RMP64: variants seen among roughly 807,000 people sequenced by gnomAD.
The protein encoded by RMP64 is nucleolus and neural progenitor protein.
chr3:113,018,463 G>A, the RMP64 span, among the ~76,000 whole-genome samples: 1 of 152,338 alleles, frequency 6.6e-6, no homozygotes, highest in Middle Eastern at 3.4e-3. Flanking sequence ...TCTGTAAAGT[G>A]TGTAGGATGG....
chr3:113,015,341 G>C, the RMP64 span, among the ~76,000 whole-genome samples: 3 of 152,314 alleles, frequency 2.0e-5, no homozygotes, highest in South Asian at 2.1e-4. Context: ...CATTATAGCT[G>C]GGAGAGAAAG....
the RMP64 span, among the ~76,000 whole-genome samples, chr3:113,011,802 T>C: frequency 3.3e-5 from 5 of 152,184 alleles, no homozygotes; most frequent in East Asian, 1.9e-4. Flanking sequence ...ATTAAAGCTA[T>C]TTTCATTACA....
chr3:113,016,523 C>T, the RMP64 span, among the ~76,000 whole-genome samples: 1 of 152,068 alleles, frequency 6.6e-6, no homozygotes, highest in African/African-American at 2.4e-5. Context: ...AATATATTCA[C>T]TTTGAGGGTT....
At chr3:113,004,654 A>AAAT in the RMP64 span, 1 of 152,212 alleles carries the variant, frequency 6.6e-6, no homozygotes, top group African/African-American at 2.4e-5. Flanking sequence ...CATTATTTGA[A>AAAT]AATACTCAAG....
the RMP64 span, among the ~76,000 whole-genome samples, chr3:113,011,867 T>C: frequency 6.6e-6 from 1 of 152,150 alleles, no homozygotes; most frequent in Non-Finnish European, 1.5e-5. Flanking sequence ...TAATCAAACA[T>C]TGTTACCTCT....
the RMP64 span, chr3:113,010,988 T>C: frequency 1.4e-6 from 2 of 1,464,004 alleles, no homozygotes; most frequent in African/African-American, 1.4e-5. Context: ...TTTCAAAAGG[T>C]TTCTTTTTAT....
the RMP64 span, chr3:113,005,997 T>C: frequency 1.2e-6 from 2 of 1,605,336 alleles, no homozygotes; most frequent in South Asian, 1.1e-5. Flanking sequence ...TCTAGTTTCT[T>C]TGGCAAACTT....
the RMP64 span, chr3:113,017,396 G>C: frequency 6.8e-7 from 1 of 1,470,460 alleles, no homozygotes; most frequent in African/African-American, 1.4e-5. Context: ...GTGGCAGTGT[G>C]ATCTACATTT....
At chr3:113,017,678 A>G in the RMP64 span, 12 of 1,317,828 alleles carry the variant, frequency 9.1e-6, no homozygotes, top group Non-Finnish European at 1.3e-5. Context: ...ACACTAAAAA[A>G]AGCATCTTTC....
chr3:113,011,333 C>T, the RMP64 span: 8 of 1,612,852 alleles, frequency 5.0e-6, no homozygotes, highest in African/African-American at 2.7e-5. Flanking sequence ...TGAATCCTAG[C>T]GACCTCTTGA....
chr3:113,014,044 A>C, the RMP64 span: 1 of 1,579,516 alleles, frequency 6.3e-7, no homozygotes, highest in Middle Eastern at 1.7e-4. Flanking sequence ...TGAAAGAAGA[A>C]GAGCAGTTCA....
chr3:113,011,259 T>C, the RMP64 span: 1 of 1,613,502 alleles, frequency 6.2e-7, no homozygotes, highest in Non-Finnish European at 8.5e-7. Context: ...CTTCAAAATA[T>C]GGCTGTCCTA....
the RMP64 span, chr3:113,017,442 C>T: frequency 3.7e-6 from 6 of 1,612,984 alleles, no homozygotes; most frequent in Admixed American, 1.0e-4. Flanking sequence ...TACCGGGCTT[C>T]CTCACCTGTT....
the RMP64 span, chr3:113,011,121 T>C: frequency 6.2e-7 from 1 of 1,611,850 alleles, no homozygotes; most frequent in Non-Finnish European, 8.5e-7. Flanking sequence ...TTTGTTTAGC[T>C]TTTTTTGAAA....
At chr3:113,014,144 A>G in the RMP64 span, 3 of 671,240 alleles carry the variant, frequency 4.5e-6, no homozygotes, top group East Asian at 2.7e-5. Flanking sequence ...AATATGCTAA[A>G]TATCACAGAA....
chr3:113,012,918 G>A, the RMP64 span: 8 of 742,218 alleles, frequency 1.1e-5, no homozygotes, highest in South Asian at 3.2e-5. Context: ...TTTTCTTAAA[G>A]GTATTAAAGC....
the RMP64 span, chr3:113,011,579 AAAT>A: frequency 2.1e-6 from 1 of 467,818 alleles, no homozygotes. Flanking sequence ...CCCAACAGAA[AAAT>A]CCAAGTATAA....
At chr3:113,008,565 T>A in the RMP64 span, 1 of 678,996 alleles carries the variant, frequency 1.5e-6, no homozygotes, top group African/African-American at 1.8e-5. Flanking sequence ...AAGTGATGGA[T>A]ACCCCATTTA....
At chr3:113,006,022 A>G in the RMP64 span, 2 of 1,557,962 alleles carry the variant, frequency 1.3e-6, no homozygotes, top group Non-Finnish European at 1.7e-6. Flanking sequence ...AGACAGAGAG[A>G]GGAAAAATCT....
Sources: gnomAD v4.1 joint callset for allele counts (sites outside exome capture counted in the v4.1 genomes callset) on GRCh38, gnomAD v4.1.1 for gene constraint, MANE v1.5 for transcripts, NCBI Gene and HGNC (gene_info 2026-07-23, HGNC 2026-07-21) for gene names.